GPRC5C: variants seen among roughly 807,000 people sequenced by gnomAD.
GPRC5C encodes G protein-coupled receptor class C group 5 member C.
In GPRC5C, 22 loss-of-function variants were observed where a neutral mutation model predicts 31.4. The observed-to-expected ratio is 0.70, with a 90% CI of 0.50 to 1.00. GPRC5C has a LOEUF of 1.00. Ranked by LOEUF, GPRC5C falls within the 50% of genes least tolerant of loss-of-function variation. The pLI, the probability that GPRC5C is intolerant of heterozygous loss-of-function variation, is 0.00. For missense variants in GPRC5C, 557 were observed against 597.2 expected (o/e 0.93, Z 0.70); for synonymous variants, 249 against 257.5 (o/e 0.97, Z 0.32).
chr17:74,447,480 A>G (rs2055659702), downstream of GPRC5C: 1 of 404,592 alleles, frequency 2.5e-6, no homozygotes, highest in Admixed American at 6.4e-5. Flanking sequence ...TTTCTGATGA[A>G]CGTCTCCTCC....
In GPRC5C at chr17:74,446,923, C is replaced by T; in HGVS notation, c.1221C>T (p.Thr407=). ...NSQVMGSANS[T]LRAEDMYSAQ... ...AGGTGATGGGCAGTGCCAACTCGAC[C>T]CTGCGGGCTGAAGACATGTACTCGG... Residue 407 remains threonine (T), a synonymous_variant, in exon 4 of 4, where the codon ACC becomes ACT. Coordinates refer to ENST00000392627, the MANE Select transcript of GPRC5C (RefSeq NM_022036.4). 6.2e-7 allele frequency: 1 copy of T among 1,614,108 alleles called. No individual in the cohort carries two copies.
chr17:74,449,597 T>C, downstream of GPRC5C: 1 of 290,890 alleles, frequency 3.4e-6, no homozygotes. Context: ...CCCAGGTGGC[T>C]GCAGCTACAA....
At chr17:74,449,620 G>A (rs2706525), downstream of GPRC5C, 57,419 of 270,842 alleles carry the variant, frequency 0.21, 7,037 homozygotes, top group African/African-American at 0.38. Context: ...AGCTGTCCGC[G>A]GGCCCCCAGG....
intron 1 of GPRC5C, chr17:74,432,435 C>T: frequency 8.9e-7 from 1 of 1,123,716 alleles, no homozygotes; most frequent in South Asian, 3.8e-5. Flanking sequence ...CGCCCCGCGC[C>T]GCGTCCCTCC....
At chr17:74,442,025 C>T (rs776482320) in intron 2 of GPRC5C, among the ~76,000 whole-genome samples, 8 of 152,034 alleles carry the variant, frequency 5.3e-5, no homozygotes, top group East Asian at 1.9e-4. Context: ...TTTTTTGAGA[C>T]GGAGTCTCGC....
Position 74,440,571 on chromosome 17 carries a change from C to G in GPRC5C, c.795C>G (p.Tyr265Ter), listed in dbSNP as rs760203671. Reference sequence around the variant, plus strand: ...TGGTGTGGATCGTCATGTATACTTACGGCAACAAGCAGCACAACAGTCCCA... The same window carrying G: ...TGGTGTGGATCGTCATGTATACTTAGGGCAACAAGCAGCACAACAGTCCCA... ...IWVVWIVMYT[Y>*]GNKQHNSPTW... The change falls in exon 2 of 4, where the codon TAC becomes TAG. Residue 265 changes from tyrosine to a stop codon, truncating the protein, a stop_gained. Transcript: ENST00000392627. LOFTEE classifies it high-confidence loss of function. The surrounding 1 kb of genome is among the most constrained non-coding windows in gnomAD (Gnocchi z 4.4). The G allele has an allele frequency of 6.2e-7, 1 of 1,614,004 alleles. No homozygotes were observed. Among genetic ancestry groups the G allele is most frequent in the Non-Finnish European group, 8.5e-7 (1 of 1,180,002 alleles).
rs751450420 is a variant in GPRC5C, at chr17:74,443,894, C to A, written c.1128C>A (p.Ala376=). The change falls in exon 3 of 4, where the codon GCC becomes GCA. Residue 376 remains alanine (A), a synonymous_variant. Transcript: ENST00000392627. ...LTSVYQPTEM[A]LMHKVPSEGA... ...GTGTGTACCAGCCCACTGAGATGGC[C>A]CTGATGCACAAAGTTCCGGTAAGTG... is the stretch of plus-strand genomic sequence containing the variant. 6.3e-5 allele frequency: 101 copies of A among 1,611,612 alleles called. 1 individual carries two copies. In the South Asian group the frequency reaches 1.0e-3, roughly 16 times the overall value.
downstream of GPRC5C, chr17:74,449,504 G>T (rs540661581): frequency 2.7e-5 from 12 of 445,618 alleles, no homozygotes; most frequent in African/African-American, 2.3e-4. Context: ...GCAGTGGACC[G>T]AGTGGGCCCC....
chr17:74,436,493 G>T (rs770374768), intron 1 of GPRC5C, among the ~76,000 whole-genome samples: 1 of 152,060 alleles, frequency 6.6e-6, no homozygotes, highest in Admixed American at 6.6e-5. Context: ...GGTAAATTCC[G>T]TTGTGTGGCC....
chr17:74,432,227 G>C (rs2055360870), intron 1 of GPRC5C, 86 bp downstream of exon 1: 2 of 1,548,604 alleles, frequency 1.3e-6, no homozygotes, highest in Non-Finnish European at 1.7e-6. Context: ...CGCCCGATTA[G>C]CGCCCTGAAT....
chr17:74,433,768 A>C, intron 1 of GPRC5C: 1 of 1,607,536 alleles, frequency 6.2e-7, no homozygotes, highest in Non-Finnish European at 8.5e-7. Flanking sequence ...GTCAGTGTTG[A>C]GTTTGGTTGG....
At chr17:74,451,063 C>T (rs1021314304), downstream of GPRC5C, 1 of 152,254 alleles carries the variant, frequency 6.6e-6, no homozygotes, top group African/African-American at 2.4e-5. Context: ...CCCCCGACCT[C>T]TCTGTGTTGC....
chr17:74,447,852 G>A (rs1443837937), downstream of GPRC5C, among the ~76,000 whole-genome samples: 5 of 152,174 alleles, frequency 3.3e-5, no homozygotes, highest in East Asian at 1.9e-4. Flanking sequence ...ATCCCATAGC[G>A]GACAAAGTGG....
At chr17:74,433,615 C>CT (rs1467428651) in intron 1 of GPRC5C, 22 of 1,027,120 alleles carry the variant, frequency 2.1e-5, no homozygotes, top group Non-Finnish European at 3.2e-5. Context: ...GGCAGGAAGG[C>CT]TGTCAGTCGG....
chr17:74,440,844 G>A lies in GPRC5C; in HGVS notation c.1051+17G>A. The A allele has an allele frequency of 6.9e-7, 1 of 1,455,368 alleles. No homozygotes were observed. Among genetic ancestry groups the A allele is most frequent in the Non-Finnish European group, 9.1e-7 (1 of 1,097,976 alleles). The allele number at this position is 1,455,368 out of a possible 1,614,324, so 90.2% of individuals were successfully genotyped here. ...CGGTTGCAGGTGGGTCTCTGTGGATGCCCCCAGTGGCCCCTTTCTCCATCC... is the reference window on the plus strand; with the variant it reads ...CGGTTGCAGGTGGGTCTCTGTGGATACCCCCAGTGGCCCCTTTCTCCATCC... On this transcript the variant is annotated intron_variant, in intron 2 of 3. Transcript: ENST00000392627. The surrounding 1 kb of genome is among the most constrained non-coding windows in gnomAD (Gnocchi z 4.4).
In GPRC5C at chr17:74,440,481, C is replaced by T. The variant is rs760384458; in HGVS notation, c.705C>T (p.Tyr235=). ...LGAWPALCGR[Y]KRWRKHGVFV... is the part of the protein sequence containing the mutation. Reference sequence around the variant, plus strand: ...CCTGGCCCGCCCTGTGTGGCCGCTACAAGCGCTGGCGTAAGCATGGGGTCT... The same window carrying T: ...CCTGGCCCGCCCTGTGTGGCCGCTATAAGCGCTGGCGTAAGCATGGGGTCT... Residue 235 remains tyrosine (Y), a synonymous_variant, in exon 2 of 4, where the codon TAC becomes TAT. Transcript: ENST00000392627. The surrounding 1 kb of genome is among the most constrained non-coding windows in gnomAD (Gnocchi z 4.4). The T allele has an allele frequency of 3.7e-6, 6 of 1,614,172 alleles. No homozygotes were observed. In the South Asian group the frequency reaches 4.4e-5, roughly 12 times the overall value.
downstream of GPRC5C, chr17:74,449,542 C>G (rs374905139): frequency 6.8e-5 from 22 of 322,288 alleles, no homozygotes; most frequent in African/African-American, 4.9e-4. Flanking sequence ...GTGACTGGAG[C>G]GCCTAGGGCC....
intron 1 of GPRC5C, among the ~76,000 whole-genome samples, chr17:74,433,221 GC>G (rs2055381863): frequency 6.6e-6 from 1 of 151,978 alleles, no homozygotes; most frequent in Non-Finnish European, 1.5e-5. Flanking sequence ...TGCTCCTGGA[GC>G]TTCCTCTCCC....
At position 74,440,409 on chromosome 17, in the gene GPRC5C, G is replaced by A. The variant is rs752522664; in HGVS notation, c.633G>A (p.Met211Ile). The change falls in exon 2 of 4, where the codon ATG (methionine) becomes ATA (isoleucine). Residue 211 changes from methionine (M) to isoleucine (I), a missense_variant. Met to Ile is a conservative substitution (Grantham distance 10, BLOSUM62 1). Coordinates refer to ENST00000392627, the MANE Select transcript of GPRC5C (RefSeq NM_022036.4). The surrounding 1 kb of genome is among the most constrained non-coding windows in gnomAD (Gnocchi z 4.4). The part of the protein sequence containing the change: ...PCAIANMDFV[M>I]ALIYVMLLLL... ...CCATCGCCAACATGGACTTTGTCAT[G>A]GCACTCATCTACGTCATGCTGCTGC... 6.2e-7 allele frequency: 1 copy of A among 1,614,070 alleles called. No homozygotes were observed. Among genetic ancestry groups the A allele is most frequent in the African/African-American group, 1.3e-5 (1 of 75,060 alleles).
Sources: gnomAD v4.1 joint callset for allele counts (sites outside exome capture counted in the v4.1 genomes callset) on GRCh38, gnomAD v4.1.1 for gene constraint, Gnocchi (gnomAD v3.1) non-coding constraint, MANE v1.5 for transcripts, NCBI Gene and HGNC (gene_info 2026-07-23, HGNC 2026-07-21) for gene names.